Variants in KIF2A observed in about 807,000 individuals in gnomAD.
KIF2A encodes the protein kinesin family member 2A, also known as kinesin-like protein KIF2A.
A neutral mutation model predicts 100.2 loss-of-function variants in KIF2A; 22 were observed. The observed-to-expected ratio is 0.22, with a 90% confidence interval of 0.16 to 0.31. The LOEUF (loss-of-function observed/expected upper bound fraction) is 0.31. KIF2A is among the 10% of genes least tolerant of loss of function. The pLI is 1.00. For synonymous variants in KIF2A, 268 were observed against 285.9 expected (o/e 0.94, Z 0.63); for missense variants, 495 against 898.7 (o/e 0.55, Z 5.74).
intron 18 of KIF2A, among the ~76,000 whole-genome samples, chr5:62,376,838 A>G (rs982396584): frequency 6.6e-6 from 1 of 152,108 alleles, no homozygotes; most frequent in Non-Finnish European, 1.5e-5. Flanking sequence ...TATATTGTAT[A>G]TAGTTGTCCC....
In KIF2A at chr5:62,385,821, G is replaced by C; in HGVS notation, c.*252G>C. The C allele has an allele frequency of 4.4e-6, 2 of 450,104 alleles. No individual in the cohort carries two copies. The highest frequency in any genetic ancestry group is 3.8e-5 in the East Asian group (1 of 26,622). 27.9% of individuals were successfully genotyped at this position (450,104 alleles called of 1,614,324 possible). Reference sequence around the variant, plus strand: ...TTACACAAATAGTGATTTACTTTTGGAGATCCTTGTCAGTTTTATTTTCTA... The same window carrying C: ...TTACACAAATAGTGATTTACTTTTGCAGATCCTTGTCAGTTTTATTTTCTA... On this transcript the variant is annotated 3_prime_UTR_variant, in exon 21 of 21. Transcript: ENST00000407818.
At chr5:62,338,926 A>C (rs1747125242) in intron 1 of KIF2A, among the ~76,000 whole-genome samples, 1 of 152,224 alleles carries the variant, frequency 6.6e-6, no homozygotes. Flanking sequence ...AAAACAGGCA[A>C]AACCTCATTA....
At chr5:62,385,436 A>T in intron 20 of KIF2A, 48 bp from the exon 21 acceptor site, 1 of 1,310,226 alleles carries the variant, frequency 7.6e-7, no homozygotes, top group African/African-American at 1.5e-5. Flanking sequence ...GTAAACTCTT[A>T]CTGCGTGTAA....
At chr5:62,347,981 C>T in intron 2 of KIF2A, 67 bp from the exon 3 acceptor site, 1 of 1,524,042 alleles carries the variant, frequency 6.6e-7, no homozygotes, top group Non-Finnish European at 8.9e-7. Context: ...CATCAATTTA[C>T]TTGAAAAGTA....
At chr5:62,366,028 C>A (rs1741051150) in intron 15 of KIF2A, among the ~76,000 whole-genome samples, 1 of 152,054 alleles carries the variant, frequency 6.6e-6, no homozygotes, top group Non-Finnish European at 1.5e-5. Flanking sequence ...CCTTTCATTT[C>A]TTTACCAGAG....
intron 18 of KIF2A, among the ~76,000 whole-genome samples, chr5:62,375,420 C>G (rs752017796): frequency 6.6e-6 from 1 of 152,118 alleles, no homozygotes; most frequent in South Asian, 2.1e-4. Context: ...GTAGTGGGTA[C>G]TATAATTATC....
At chr5:62,332,972 CTG>C (rs1292854165) in intron 1 of KIF2A, among the ~76,000 whole-genome samples, 6 of 152,166 alleles carry the variant, frequency 3.9e-5, no homozygotes, top group African/African-American at 1.2e-4. Context: ...GACAAGCAAA[CTG>C]TGTTAGTAAA....
chr5:62,390,875 C>T lies in KIF2A; in HGVS notation c.*5306C>T. 6.2e-7 allele frequency: 1 copy of T among 1,610,606 alleles called. No individual in the cohort carries two copies. The highest frequency in any genetic ancestry group is 1.1e-5 in the South Asian group (1 of 90,960). ...ACTTAGGAAAACAAAAATGTAATTA[C>T]CTGATGAAGTCATCTATGTCCATGG... On this transcript the variant is annotated 3_prime_UTR_variant, in exon 21 of 21. Transcript: ENST00000407818.
At chr5:62,333,016 C>T (rs889519344) in intron 1 of KIF2A, among the ~76,000 whole-genome samples, 1 of 152,126 alleles carries the variant, frequency 6.6e-6, no homozygotes, top group Non-Finnish European at 1.5e-5. Flanking sequence ...AAAGCATCAT[C>T]CTATACCTAC....
chr5:62,389,361 C>T lies in KIF2A; in HGVS notation c.*3792C>T, dbSNP rs1307424924. Among the ~76,000 whole-genome samples, 4 of 151,806 alleles carry T rather than the reference C, an allele frequency of 2.6e-5. No individual in the cohort carries two copies. The highest frequency in any genetic ancestry group is 9.7e-5 in the African/African-American group (4 of 41,314). ...ATTAGCCTGGCATGGTGGCACATGC[C>T]TGTAATCCCAGCTACTCGGGTGGTT... On this transcript the variant is annotated 3_prime_UTR_variant, in exon 21 of 21. Coordinates refer to ENST00000407818, the MANE Select transcript of KIF2A (RefSeq NM_001098511.3).
In KIF2A at chr5:62,347,218, C is replaced by T; in HGVS notation, c.153C>T (p.Gly51=). Residue 51 remains glycine (G), a synonymous_variant, in exon 2 of 21, where the codon GGC becomes GGT. Coordinates refer to ENST00000407818, the MANE Select transcript of KIF2A (RefSeq NM_001098511.3). Reference sequence around the variant, plus strand: ...GGATAGAAAATGGAGATACAAAAGGCAAAGAGGTAAGATCACTGAGTTTAA... The same window carrying T: ...GGATAGAAAATGGAGATACAAAAGGTAAAGAGGTAAGATCACTGAGTTTAA... The part of the protein sequence containing the change: ...VEWIENGDTK[G]KEIDLESIFS... 6.5e-7 allele frequency: 1 copy of T among 1,537,288 alleles called. No individual in the cohort carries two copies. Among genetic ancestry groups the T allele is most frequent in the South Asian group, 1.2e-5 (1 of 86,368 alleles).
intron 14 of KIF2A, among the ~76,000 whole-genome samples, chr5:62,364,243 G>T (rs752342351): frequency 1.3e-5 from 2 of 151,940 alleles, no homozygotes; most frequent in Non-Finnish European, 2.9e-5. Flanking sequence ...CACCTCCTGG[G>T]TTCAAGCCAT....
intron 5 of KIF2A, 36 bp downstream of exon 5, chr5:62,352,746 A>G: frequency 6.3e-7 from 1 of 1,582,750 alleles, no homozygotes; most frequent in East Asian, 2.3e-5. Context: ...TAGTCATTTT[A>G]GGCATACATG....
intron 16 of KIF2A, among the ~76,000 whole-genome samples, chr5:62,367,290 A>G (rs1741119021): frequency 6.6e-6 from 1 of 151,700 alleles, no homozygotes; most frequent in Non-Finnish European, 1.5e-5. Context: ...TTTTTGAGAC[A>G]GAGTCTTGTT....
intron 1 of KIF2A, among the ~76,000 whole-genome samples, chr5:62,327,723 G>A (rs960271413): frequency 2.0e-5 from 3 of 152,192 alleles, no homozygotes; most frequent in African/African-American, 7.2e-5. Flanking sequence ...GGGCTTAGAA[G>A]AGTGATCATT....
chr5:62,385,956 A>C lies in KIF2A; in HGVS notation c.*387A>C. On this transcript the variant is annotated 3_prime_UTR_variant, in exon 21 of 21. Transcript: ENST00000407818. ...TTGTAGTGAGACTGAGCAGTTTTAA[A>C]TCCTTTGCGTGCATGCATACCTCAT... The C allele has an allele frequency of 4.7e-6, 1 of 211,596 alleles. No individual in the cohort carries two copies. The highest frequency in any genetic ancestry group is 9.7e-6 in the Non-Finnish European group (1 of 103,494). The allele number at this position is 211,596 out of a possible 1,614,324, so 13.1% of individuals were successfully genotyped here.
At chr5:62,369,972 G>A (rs1741244903) in intron 16 of KIF2A, among the ~76,000 whole-genome samples, 1 of 152,072 alleles carries the variant, frequency 6.6e-6, no homozygotes, top group African/African-American at 2.4e-5. Context: ...CTCATCTTTA[G>A]AATAGACAGC....
At chr5:62,336,177 A>C (rs2111865597) in intron 1 of KIF2A, among the ~76,000 whole-genome samples, 1 of 152,332 alleles carries the variant, frequency 6.6e-6, no homozygotes, top group Non-Finnish European at 1.5e-5. Flanking sequence ...AGGCTGAAGC[A>C]GGCATGGATG....
chr5:62,388,977 T>C lies in KIF2A; in HGVS notation c.*3408T>C, dbSNP rs1742164751. The C allele has an allele frequency of 6.3e-7, 1 of 1,586,726 alleles. No individual in the cohort carries two copies. Among genetic ancestry groups the C allele is most frequent in the Non-Finnish European group, 8.6e-7 (1 of 1,160,190 alleles). On this transcript the variant is annotated 3_prime_UTR_variant, in exon 21 of 21. Transcript: ENST00000407818. Reference sequence around the variant, plus strand: ...CAAAAAATACAAAATTCATTTCTTTTCTTGACCTTGAAAATTTCTGTTTTC... The same window carrying C: ...CAAAAAATACAAAATTCATTTCTTTCCTTGACCTTGAAAATTTCTGTTTTC...
Sources: allele counts gnomAD v4.1 joint callset (sites outside exome capture counted in the v4.1 genomes callset), GRCh38; gene constraint gnomAD v4.1.1; transcripts MANE v1.5; gene names NCBI Gene and HGNC (gene_info 2026-07-23, HGNC 2026-07-21).